The following NCALD variants were observed in gnomAD, a reference collection of about 807,000 sequenced individuals.
NCALD encodes neurocalcin-delta.
In NCALD, 10 loss-of-function variants were observed where a neutral mutation model predicts 18.6. That is an observed-to-expected ratio of 0.54 (90% confidence interval 0.33 to 0.91). NCALD has a LOEUF of 0.91. Ranked by LOEUF, NCALD falls within the 40% of genes least tolerant of loss-of-function variation. The probability of loss-of-function intolerance (pLI) is 0.03; values close to 1 mark genes in which losing one functional copy is unlikely to be tolerated. For missense variants in NCALD, 184 were observed against 247.6 expected, an observed-to-expected ratio of 0.74 and a Z score of 1.72; for synonymous variants, 88 against 87.4, an observed-to-expected ratio of 1.01 and a Z score of -0.04.
At chr8:101,770,584 A>T (rs973021163) in intron 1 of NCALD, among the ~76,000 whole-genome samples, 2 of 152,218 alleles carry the variant, frequency 1.3e-5, no homozygotes, top group African/African-American at 4.8e-5. Context: ...CTTTACCAGG[A>T]AAAAACAAAG....
chr8:101,709,231 A>G (rs529439274), intron 2 of NCALD, among the ~76,000 whole-genome samples: 11 of 152,306 alleles, frequency 7.2e-5, no homozygotes, highest in African/African-American at 2.4e-4. Context: ...GTAAAGTTAC[A>G]GTCATTTATG....
At chr8:101,756,081 C>A (rs1238176989) in intron 1 of NCALD, among the ~76,000 whole-genome samples, 1 of 87,964 alleles carries the variant, frequency 1.1e-5, no homozygotes, top group Admixed American at 1.1e-4. Flanking sequence ...TCCCTTCCCC[C>A]ACCTTTTTTT....
At chr8:101,822,066 A>G (rs890264261) in intron 4 of NCALD, among the ~76,000 whole-genome samples, 2 of 152,110 alleles carry the variant, frequency 1.3e-5, no homozygotes, top group Admixed American at 1.3e-4. Context: ...GGTTGTTGTA[A>G]GTATTAAATG....
chr8:101,745,281 G>C (rs1453072273), intron 1 of NCALD, among the ~76,000 whole-genome samples: 1 of 152,092 alleles, frequency 6.6e-6, no homozygotes, highest in Non-Finnish European at 1.5e-5. Context: ...ACCCAGACGG[G>C]TGATGTTCAG....
chr8:101,965,115 C>G (rs1369850987), intron 2 of NCALD, among the ~76,000 whole-genome samples: 1 of 152,164 alleles, frequency 6.6e-6, no homozygotes, highest in Non-Finnish European at 1.5e-5. Context: ...CAATAAACAA[C>G]AGATGCTGGA....
chr8:101,976,374 G>A (rs778503117), intron 2 of NCALD, among the ~76,000 whole-genome samples: 2 of 152,110 alleles, frequency 1.3e-5, no homozygotes, highest in African/African-American at 2.4e-5. Context: ...GGGACCCCCC[G>A]ACTAATAACG....
intron 4 of NCALD, among the ~76,000 whole-genome samples, chr8:101,852,313 T>C (rs1383563012): frequency 2.6e-5 from 4 of 152,200 alleles, no homozygotes; most frequent in Non-Finnish European, 4.4e-5. Flanking sequence ...TCCTAACACC[T>C]TTTATGTCCA....
intron 1 of NCALD, among the ~76,000 whole-genome samples, chr8:101,761,256 T>A (rs1338267361): frequency 2.0e-5 from 3 of 152,198 alleles, no homozygotes; most frequent in Admixed American, 2.0e-4. Context: ...GTCAGCAACT[T>A]TGCCGGAGCA....
intron 1 of NCALD, among the ~76,000 whole-genome samples, chr8:102,051,360 G>C (rs1011160172): frequency 3.9e-5 from 6 of 152,104 alleles, no homozygotes; most frequent in Non-Finnish European, 8.8e-5. Context: ...GTGTGGAAAG[G>C]ACATGGACAG....
chr8:101,900,245 TTTTTTC>T (rs2131560411), intron 3 of NCALD, among the ~76,000 whole-genome samples: 1 of 152,016 alleles, frequency 6.6e-6, no homozygotes, highest in East Asian at 1.9e-4. Context: ...ATATATCTTC[TTTTTTC>T]TTTGTCAGTG....
At chr8:102,072,834 AT>A (rs1182011187) in intron 1 of NCALD, among the ~76,000 whole-genome samples, 1 of 152,176 alleles carries the variant, frequency 6.6e-6, no homozygotes, top group Non-Finnish European at 1.5e-5. Context: ...ATAATTGTAT[AT>A]TTTTCTGGCA....
chr8:101,897,855 A>T (rs1817263743), intron 3 of NCALD, among the ~76,000 whole-genome samples: 1 of 152,174 alleles, frequency 6.6e-6, no homozygotes, highest in South Asian at 2.1e-4. Flanking sequence ...GTCCCACCCC[A>T]AATCTCATCT....
At position 101,871,432 on chromosome 8, in the gene NCALD, G is replaced by A. The variant is rs186612177; in HGVS notation, c.-20+15709C>T. Among the ~76,000 whole-genome samples, 345 of 152,142 alleles carry A rather than the reference G, an allele frequency of 2.3e-3. 6 individuals carry two copies. Among genetic ancestry groups the A allele is most frequent in the Non-Finnish European group, 3.3e-3 (224 of 68,004 alleles). On this transcript the variant is annotated intron_variant, in intron 4 of 6. Transcript: ENST00000311028. ...TCAAAATTCTAGATTGGAACTCATC[G>A]GCTTTGACAGGGGCCCAGCACAATA...
At chr8:102,051,241 G>A (rs553092099) in intron 1 of NCALD, among the ~76,000 whole-genome samples, 1 of 152,030 alleles carries the variant, frequency 6.6e-6, no homozygotes, top group South Asian at 2.1e-4. Flanking sequence ...CCCTAGGATC[G>A]GTGTGACCCT....
chr8:101,868,677 A>C (rs975496985), intron 4 of NCALD, among the ~76,000 whole-genome samples: 1 of 152,138 alleles, frequency 6.6e-6, no homozygotes, highest in Non-Finnish European at 1.5e-5. Context: ...CAGACCAAAA[A>C]CAAGGCTTTC....
chr8:101,816,705 T>A (rs1475746979), intron 4 of NCALD, among the ~76,000 whole-genome samples: 4 of 152,174 alleles, frequency 2.6e-5, no homozygotes, highest in Non-Finnish European at 5.9e-5. Flanking sequence ...ATGTCCCCGC[T>A]ACAATACTAT....
At chr8:101,933,561 T>C (rs1053574075) in intron 2 of NCALD, among the ~76,000 whole-genome samples, 2 of 152,208 alleles carry the variant, frequency 1.3e-5, no homozygotes, top group African/African-American at 2.4e-5. Flanking sequence ...TTTGTGGTGA[T>C]TTGTTACAGC....
chr8:102,095,636 C>A (rs902846665), intron 1 of NCALD, among the ~76,000 whole-genome samples: 1 of 151,952 alleles, frequency 6.6e-6, no homozygotes, highest in Non-Finnish European at 1.5e-5. Flanking sequence ...CGTGTACACC[C>A]TGAAATGTAT....
intron 2 of NCALD, among the ~76,000 whole-genome samples, chr8:102,005,778 C>CA (rs1467995173): frequency 7.0e-6 from 1 of 143,880 alleles, no homozygotes; most frequent in African/African-American, 2.6e-5. Context: ...ATCGCAAGGA[C>CA]AAAAAAACCA....
Sources: gnomAD v4.1 joint callset for allele counts (sites outside exome capture counted in the v4.1 genomes callset) on GRCh38, gnomAD v4.1.1 for gene constraint, MANE v1.5 for transcripts, NCBI Gene and HGNC (gene_info 2026-07-23, HGNC 2026-07-21) for gene names.